TSPAN9: variants seen among roughly 807,000 people sequenced by gnomAD.
TSPAN9 encodes the protein tetraspanin 9, also known as tetraspanin-9.
A neutral mutation model predicts 31.0 loss-of-function variants in TSPAN9; 16 were observed. That is an observed-to-expected ratio of 0.52 (90% confidence interval 0.35 to 0.78). The LOEUF (loss-of-function observed/expected upper bound fraction) is 0.78. TSPAN9 is among the 30% of genes least tolerant of loss of function. The pLI, the probability that TSPAN9 is intolerant of heterozygous loss-of-function variation, is 0.01. For missense variants in TSPAN9, 272 were observed against 312.5 expected, an observed-to-expected ratio of 0.87 and a Z score of 0.98; for synonymous variants, 145 against 121.6, an observed-to-expected ratio of 1.19 and a Z score of -1.27.
intron 3 of TSPAN9, among the ~76,000 whole-genome samples, chr12:3,224,079 T>TA (rs35368694): frequency 0.41 from 61,566 of 150,778 alleles, 12,612 homozygotes; most frequent in East Asian, 0.49. Context: ...CTCATCCTAG[T>TA]AAAAAAAAAA....
At chr12:3,278,362 C>G in intron 3 of TSPAN9, 59 bp from the exon 4 acceptor site, 1 of 1,594,600 alleles carries the variant, frequency 6.3e-7, no homozygotes, top group South Asian at 1.1e-5. Context: ...GCACTGTTCC[C>G]AGGTCCATGG....
intron 2 of TSPAN9, among the ~76,000 whole-genome samples, chr12:3,095,444 C>T (rs1197998775): frequency 9.2e-5 from 13 of 140,904 alleles, no homozygotes; most frequent in African/African-American, 1.9e-4. Context: ...CCAGTAGGGG[C>T]GGCCGGGCAG....
Position 3,281,429 on chromosome 12 carries a change from T to C in TSPAN9, c.564+100T>C, listed in dbSNP as rs1591724320. On this transcript the variant is annotated intron_variant, in intron 7 of 8. Coordinates refer to ENST00000011898, the MANE Select transcript of TSPAN9 (RefSeq NM_006675.5). ...AGGCTGGGCCCGGGACACTAAGAGG[T>C]TGGCTGAATGTGGCGGTGGGGGGCT... The C allele has an allele frequency of 5.1e-6, 7 of 1,380,852 alleles. No homozygotes were observed. The East Asian group carries it at 2.1e-4, about 41-fold the overall frequency. The allele number at this position is 1,380,852 out of a possible 1,614,324, so 85.5% of individuals were successfully genotyped here. A position where few individuals can be genotyped will look rare whatever the true frequency, so the allele number is the denominator to read the frequency against.
intron 2 of TSPAN9, among the ~76,000 whole-genome samples, chr12:3,158,698 G>A (rs576344573): frequency 4.7e-4 from 62 of 131,204 alleles, no homozygotes; most frequent in African/African-American, 1.7e-3. Context: ...CTCCAGCCCA[G>A]GTGACAGAGC....
chr12:3,244,569 C>G (rs959920891), intron 3 of TSPAN9, among the ~76,000 whole-genome samples: 1 of 152,208 alleles, frequency 6.6e-6, no homozygotes, highest in African/African-American at 2.4e-5. Context: ...TTTAGGAGAA[C>G]GCACTCTCGA....
chr12:3,079,618 C>T (rs1178338452), intron 1 of TSPAN9, among the ~76,000 whole-genome samples: 5 of 152,148 alleles, frequency 3.3e-5, no homozygotes, highest in African/African-American at 4.8e-5. Context: ...CCCGCCACCA[C>T]ACCTGGCTAA....
intron 3 of TSPAN9, among the ~76,000 whole-genome samples, chr12:3,217,949 A>G (rs890911519): frequency 6.6e-6 from 1 of 151,872 alleles, no homozygotes; most frequent in South Asian, 2.1e-4. Context: ...TACTTTCTAG[A>G]TGGGTTCAAG....
intron 2 of TSPAN9, among the ~76,000 whole-genome samples, chr12:3,165,737 C>T (rs941207257): frequency 3.9e-5 from 6 of 152,150 alleles, no homozygotes; most frequent in African/African-American, 7.2e-5. Flanking sequence ...GTGAGGCGCC[C>T]GTGAGATTAG....
chr12:3,152,047 C>T (rs1227622029), intron 2 of TSPAN9, among the ~76,000 whole-genome samples: 2 of 152,230 alleles, frequency 1.3e-5, no homozygotes, highest in Non-Finnish European at 2.9e-5. Context: ...TGCTGCTTGG[C>T]GCAGACAACT....
At chr12:3,229,754 G>GCACAGCTGGGGCTGA (rs61681982) in intron 3 of TSPAN9, among the ~76,000 whole-genome samples, 1 of 152,180 alleles carries the variant, frequency 6.6e-6, no homozygotes, top group Non-Finnish European at 1.5e-5. Context: ...CACCTGCCAG[G>GCACAGCTGGGGCTGA]CACAGCTGGG....
intron 3 of TSPAN9, among the ~76,000 whole-genome samples, chr12:3,209,324 C>A (rs907613730): frequency 1.3e-5 from 2 of 152,234 alleles, no homozygotes; most frequent in East Asian, 3.9e-4. Context: ...GCACACCTTT[C>A]CATGGCTCTT....
intron 3 of TSPAN9, among the ~76,000 whole-genome samples, chr12:3,231,216 G>C (rs1365452596): frequency 6.6e-6 from 1 of 152,180 alleles, no homozygotes; most frequent in Non-Finnish European, 1.5e-5. Context: ...AGAAATGAGA[G>C]AGGCAGGGGA....
intron 3 of TSPAN9, among the ~76,000 whole-genome samples, chr12:3,208,252 G>A (rs768312855): frequency 1.3e-5 from 2 of 152,192 alleles, no homozygotes; most frequent in South Asian, 2.1e-4. Flanking sequence ...AGTGTCCCTC[G>A]GGCTGGGGAT....
At chr12:3,135,969 C>G (rs900915018) in intron 2 of TSPAN9, among the ~76,000 whole-genome samples, 4 of 152,136 alleles carry the variant, frequency 2.6e-5, no homozygotes, top group Non-Finnish European at 4.4e-5. Context: ...TTTTCAGTGT[C>G]TTAAAGGGTC....
intron 3 of TSPAN9, among the ~76,000 whole-genome samples, chr12:3,273,636 G>C (rs1862725961): frequency 6.6e-6 from 1 of 152,216 alleles, no homozygotes; most frequent in Non-Finnish European, 1.5e-5. Flanking sequence ...CCACAGACAG[G>C]CCTTGCCTCC....
At chr12:3,268,223 C>T (rs1358565445) in intron 3 of TSPAN9, among the ~76,000 whole-genome samples, 1 of 134,694 alleles carries the variant, frequency 7.4e-6, no homozygotes, top group Non-Finnish European at 1.6e-5. Flanking sequence ...TGCAGCCTGC[C>T]CTCTCTGTGT....
At chr12:3,259,709 C>G (rs73047077) in intron 3 of TSPAN9, among the ~76,000 whole-genome samples, 99 of 152,196 alleles carry the variant, frequency 6.5e-4, no homozygotes, top group Non-Finnish European at 1.1e-3. Flanking sequence ...TGATGGGCCT[C>G]GGACCCAGCA....
intron 3 of TSPAN9, among the ~76,000 whole-genome samples, chr12:3,259,181 C>T (rs1005901650): frequency 1.3e-5 from 2 of 152,190 alleles, no homozygotes; most frequent in Non-Finnish European, 2.9e-5. Flanking sequence ...TTTGCAGAGC[C>T]AGGACAGGTA....
At chr12:3,080,261 A>G (rs2098297235) in intron 1 of TSPAN9, among the ~76,000 whole-genome samples, 2 of 152,194 alleles carry the variant, frequency 1.3e-5, no homozygotes, top group African/African-American at 4.8e-5. Context: ...CAGCCACTCA[A>G]TCAATTAGGA....
Sources: gnomAD v4.1 joint callset for allele counts (sites outside exome capture counted in the v4.1 genomes callset) on GRCh38, gnomAD v4.1.1 for gene constraint, MANE v1.5 for transcripts, NCBI Gene and HGNC (gene_info 2026-07-23, HGNC 2026-07-21) for gene names.